The following FAM135B variants were observed in gnomAD, a reference collection of about 807,000 sequenced individuals.
FAM135B encodes family with sequence similarity 135 member B, also known as protein FAM135B.
Under a neutral mutation model 127.7 loss-of-function variants are expected in FAM135B, and 43 were observed. The observed-to-expected ratio is 0.34, with a 90% confidence interval of 0.26 to 0.43. The LOEUF (loss-of-function observed/expected upper bound fraction) is 0.43. Among genes scored for constraint, FAM135B ranks in the 20% least tolerant of loss-of-function variants. The pLI is 1.00. For missense variants in FAM135B, 1,558 were observed against 1,725.6 expected, an observed-to-expected ratio of 0.90 and a Z score of 1.72; for synonymous variants, 670 against 665.1, an observed-to-expected ratio of 1.01 and a Z score of -0.11.
chr8:138,433,447 C>T (rs894644848), intron 1 of FAM135B, among the ~76,000 whole-genome samples: 2 of 151,600 alleles, frequency 1.3e-5, no homozygotes, highest in East Asian at 1.9e-4. Context: ...CAATTGAACC[C>T]GGACAGCAGA....
chr8:138,287,485 A>G (rs1051299730), intron 3 of FAM135B, among the ~76,000 whole-genome samples: 8 of 142,066 alleles, frequency 5.6e-5, no homozygotes, highest in African/African-American at 1.9e-4. Flanking sequence ...ATACCCTATG[A>G]CTACTTCAGC....
At chr8:138,252,902 C>T (rs370430038) in intron 5 of FAM135B, among the ~76,000 whole-genome samples, 21 of 152,230 alleles carry the variant, frequency 1.4e-4, no homozygotes, top group African/African-American at 5.1e-4. Context: ...TGGGTTCAAG[C>T]AATTGTCCCA....
At chr8:138,270,238 G>C (rs969204121) in intron 3 of FAM135B, among the ~76,000 whole-genome samples, 12 of 152,164 alleles carry the variant, frequency 7.9e-5, no homozygotes, top group Admixed American at 3.3e-4. Context: ...GGCAACCATG[G>C]TCTTGATGAC....
chr8:138,133,613 TG>T (rs1816380748), intron 19 of FAM135B, among the ~76,000 whole-genome samples: 2 of 152,242 alleles, frequency 1.3e-5, no homozygotes, highest in Non-Finnish European at 2.9e-5. Context: ...GGTGAGCTTC[TG>T]GGTACCCACT....
At chr8:138,396,582 A>G (rs187035368) in intron 1 of FAM135B, among the ~76,000 whole-genome samples, 25 of 152,290 alleles carry the variant, frequency 1.6e-4, no homozygotes, top group African/African-American at 5.8e-4. Context: ...TTTTACAGCA[A>G]TTGTGTGTAT....
chr8:138,391,879 T>C (rs887151235), intron 1 of FAM135B, among the ~76,000 whole-genome samples: 3 of 152,102 alleles, frequency 2.0e-5, no homozygotes, highest in African/African-American at 4.8e-5. Flanking sequence ...CAAAGCGGAA[T>C]TGGAACCAAG....
intron 9 of FAM135B, among the ~76,000 whole-genome samples, chr8:138,185,079 G>T (rs150454687): frequency 6.6e-6 from 1 of 152,156 alleles, no homozygotes; most frequent in Admixed American, 6.5e-5. Context: ...AAGTCCTAGC[G>T]CCAGGAATTC....
intron 1 of FAM135B, among the ~76,000 whole-genome samples, chr8:138,371,899 T>C (rs1831152585): frequency 6.6e-6 from 1 of 152,212 alleles, no homozygotes; most frequent in Non-Finnish European, 1.5e-5. Flanking sequence ...CTGTACTTCC[T>C]GAAAGCTGTG....
At chr8:138,329,480 C>A (rs1256479853) in intron 2 of FAM135B, among the ~76,000 whole-genome samples, 1 of 152,202 alleles carries the variant, frequency 6.6e-6, no homozygotes, top group Non-Finnish European at 1.5e-5. Flanking sequence ...TCAATCAAAT[C>A]TTTATTTCTG....
intron 3 of FAM135B, among the ~76,000 whole-genome samples, chr8:138,285,389 C>T (rs566222765): frequency 3.9e-5 from 6 of 152,116 alleles, no homozygotes; most frequent in South Asian, 2.1e-4. Flanking sequence ...TCAGGTTATA[C>T]GCCCACCTCG....
chr8:138,141,852 C>T lies in FAM135B; in HGVS notation c.3639-503G>A, dbSNP rs1817181683. On this transcript the variant is annotated intron_variant, in intron 16 of 19. Transcript: ENST00000395297. The surrounding 1 kb of genome is among the most constrained non-coding windows in gnomAD (Gnocchi z 4.7). ...TAGACCCCCTCCTGCAGGCTCTGCT[C>T]CAGCCATACTGCTACTCACAGGCCC... Among the ~76,000 whole-genome samples, 1 of 152,162 alleles carries T rather than the reference C, an allele frequency of 6.6e-6. No individual in the cohort carries two copies. The highest frequency in any genetic ancestry group is 6.5e-5 in the Admixed American group (1 of 15,282).
intron 2 of FAM135B, among the ~76,000 whole-genome samples, chr8:138,312,723 G>T (rs1271128585): frequency 6.6e-6 from 1 of 152,246 alleles, no homozygotes. Flanking sequence ...TCCCCAGACT[G>T]CATGAAAACA....
chr8:138,224,121 T>G (rs1200681083), intron 7 of FAM135B, among the ~76,000 whole-genome samples: 3 of 152,054 alleles, frequency 2.0e-5, no homozygotes, highest in Non-Finnish European at 4.4e-5. Context: ...ACCCCAAACC[T>G]CAGTATCATG....
chr8:138,390,362 A>C (rs1427997595), intron 1 of FAM135B, among the ~76,000 whole-genome samples: 1 of 151,030 alleles, frequency 6.6e-6, no homozygotes, highest in Non-Finnish European at 1.5e-5. Flanking sequence ...ATAAGGGGAA[A>C]CCCCTTTTTG....
chr8:138,337,529 T>C (rs913894801), intron 2 of FAM135B, among the ~76,000 whole-genome samples: 1 of 151,638 alleles, frequency 6.6e-6, no homozygotes, highest in African/African-American at 2.4e-5. Context: ...GAGAATAAAA[T>C]ACCCAGGAAT....
chr8:138,425,876 T>C (rs996306881), intron 1 of FAM135B, among the ~76,000 whole-genome samples: 3 of 150,560 alleles, frequency 2.0e-5, no homozygotes, highest in Non-Finnish European at 3.0e-5. Flanking sequence ...GGGTCTGTCG[T>C]GGAGGCTCAT....
At chr8:138,333,225 C>T (rs1032681833) in intron 2 of FAM135B, among the ~76,000 whole-genome samples, 2 of 152,086 alleles carry the variant, frequency 1.3e-5, no homozygotes, top group African/African-American at 2.4e-5. Context: ...CAACACTTGC[C>T]CTGGGACAAC....
chr8:138,275,514 A>G (rs1296953006), intron 3 of FAM135B, among the ~76,000 whole-genome samples: 1 of 151,990 alleles, frequency 6.6e-6, no homozygotes, highest in Non-Finnish European at 1.5e-5. Context: ...GTGAGACCCT[A>G]TCGCTATAAT....
At position 138,151,179 on chromosome 8, in the gene FAM135B, C is replaced by T. The variant is rs754158840; in HGVS notation, c.3281+15G>A. The stretch of plus-strand genomic sequence containing the variant: ...AAGACTGTTGTGGGAAAGGTAAGCC[C>T]GTCAGCCAGCTTACCTAAACATCCT... On this transcript the variant is annotated intron_variant, in intron 13 of 19. Coordinates refer to ENST00000395297, the MANE Select transcript of FAM135B (RefSeq NM_015912.4). 12 of 1,495,942 alleles carry T rather than the reference C, an allele frequency of 8.0e-6. No individual in the cohort carries two copies. The highest frequency in any genetic ancestry group is 2.4e-5 in the Admixed American group (1 of 41,594). The allele number at this position is 1,495,942 out of a possible 1,614,324, so 92.7% of individuals were successfully genotyped here.
Sources: allele counts gnomAD v4.1 joint callset (sites outside exome capture counted in the v4.1 genomes callset), GRCh38; gene constraint gnomAD v4.1.1; non-coding constraint Gnocchi (gnomAD v3.1); transcripts MANE v1.5; gene names NCBI Gene and HGNC (gene_info 2026-07-23, HGNC 2026-07-21).